CNTNAP2: variants seen among roughly 807,000 people sequenced by gnomAD.
CNTNAP2 encodes contactin associated protein 2.
A neutral mutation model predicts 155.2 loss-of-function variants in CNTNAP2; 98 were observed. The observed-to-expected ratio is 0.63, with a 90% CI of 0.54 to 0.75. The LOEUF is 0.75. Ranked by LOEUF, CNTNAP2 falls within the 30% of genes least tolerant of loss-of-function variation. The pLI is 0.00. For synonymous variants in CNTNAP2, 651 were observed against 631.2 expected (o/e 1.03, Z -0.47); for missense variants, 1,727 against 1,688.1 (o/e 1.02, Z -0.40).
intron 8 of CNTNAP2, among the ~76,000 whole-genome samples, chr7:147,254,428 A>G (rs1022499789): frequency 5.9e-5 from 9 of 152,164 alleles, no homozygotes; most frequent in Admixed American, 5.9e-4. Context: ...ATTCTCTATA[A>G]CCAATAATGT....
At chr7:147,212,547 AC>A (rs1248928940) in intron 8 of CNTNAP2, among the ~76,000 whole-genome samples, 2 of 152,124 alleles carry the variant, frequency 1.3e-5, no homozygotes, top group Admixed American at 1.3e-4. Context: ...GTACTCATTG[AC>A]AAAAAGATGG....
intron 10 of CNTNAP2, among the ~76,000 whole-genome samples, chr7:147,465,208 C>T (rs891568056): frequency 2.6e-5 from 4 of 152,116 alleles, no homozygotes; most frequent in African/African-American, 7.2e-5. Flanking sequence ...CTACGGAAAA[C>T]TTTATTTATT....
intron 1 of CNTNAP2, among the ~76,000 whole-genome samples, chr7:146,171,702 T>A (rs1798393257): frequency 6.6e-6 from 1 of 152,152 alleles, no homozygotes; most frequent in African/African-American, 2.4e-5. Flanking sequence ...AAAGAAAAGA[T>A]GTGTTTTCTT....
At chr7:147,611,050 A>T (rs538607747) in intron 12 of CNTNAP2, among the ~76,000 whole-genome samples, 1 of 152,020 alleles carries the variant, frequency 6.6e-6, no homozygotes, top group African/African-American at 2.4e-5. Flanking sequence ...CATTTAGCAT[A>T]TTTGAACCAC....
At chr7:147,838,428 G>T (rs1798667675) in intron 13 of CNTNAP2, among the ~76,000 whole-genome samples, 1 of 152,098 alleles carries the variant, frequency 6.6e-6, no homozygotes, top group African/African-American at 2.4e-5. Context: ...TTGTCAGGCT[G>T]CAAATTTTCC....
intron 1 of CNTNAP2, among the ~76,000 whole-genome samples, chr7:146,630,698 T>A (rs1799496747): frequency 6.6e-6 from 1 of 152,094 alleles, no homozygotes; most frequent in African/African-American, 2.4e-5. Flanking sequence ...CGTATCTCAC[T>A]GTGGTATTAA....
chr7:146,466,651 A>G (rs1232266379), intron 1 of CNTNAP2, among the ~76,000 whole-genome samples: 1 of 152,208 alleles, frequency 6.6e-6, no homozygotes, highest in African/African-American at 2.4e-5. Context: ...AGTAATCAGG[A>G]ATTTATAGCA....
At chr7:148,117,019 G>C (rs1031240867) in intron 15 of CNTNAP2, among the ~76,000 whole-genome samples, 1 of 152,176 alleles carries the variant, frequency 6.6e-6, no homozygotes, top group Non-Finnish European at 1.5e-5. Flanking sequence ...ACATTAAAAA[G>C]GAATTTCTCC....
At chr7:147,781,834 T>C (rs1797666042) in intron 13 of CNTNAP2, among the ~76,000 whole-genome samples, 1 of 152,066 alleles carries the variant, frequency 6.6e-6, no homozygotes, top group South Asian at 2.1e-4. Context: ...CCATCCTGGC[T>C]AACACGGTGA....
intron 4 of CNTNAP2, among the ~76,000 whole-genome samples, chr7:147,077,943 A>T (rs1274973723): frequency 6.6e-6 from 1 of 152,162 alleles, no homozygotes; most frequent in East Asian, 1.9e-4. Context: ...TATTCACTCC[A>T]CATTATTACT....
At chr7:146,661,962 A>T (rs1266132124) in intron 1 of CNTNAP2, among the ~76,000 whole-genome samples, 1 of 152,150 alleles carries the variant, frequency 6.6e-6, no homozygotes, top group Non-Finnish European at 1.5e-5. Context: ...TTTGTCAGCA[A>T]TTGGTATTGT....
chr7:147,262,569 C>T (rs149148442), intron 8 of CNTNAP2, among the ~76,000 whole-genome samples: 19,018 of 152,062 alleles, frequency 0.13, 1,269 homozygotes, highest in Non-Finnish European at 0.15. Flanking sequence ...CTTTGGGAGG[C>T]CGAGGTGGGC....
intron 15 of CNTNAP2, among the ~76,000 whole-genome samples, chr7:148,005,364 G>A (rs1352184502): frequency 6.6e-6 from 1 of 152,154 alleles, no homozygotes; most frequent in Non-Finnish European, 1.5e-5. Context: ...TGGTGATTAG[G>A]GTTTTAGCAT....
At chr7:147,267,050 A>G (rs1381644261) in intron 8 of CNTNAP2, among the ~76,000 whole-genome samples, 1 of 152,092 alleles carries the variant, frequency 6.6e-6, no homozygotes, top group Non-Finnish European at 1.5e-5. Flanking sequence ...TCAATAGGGG[A>G]TTTTCTATGG....
chr7:148,079,255 C>T (rs1803552593), intron 15 of CNTNAP2, among the ~76,000 whole-genome samples: 1 of 152,196 alleles, frequency 6.6e-6, no homozygotes, highest in Non-Finnish European at 1.5e-5. Context: ...TCACTCGATA[C>T]ATGTAAGATA....
intron 1 of CNTNAP2, among the ~76,000 whole-genome samples, chr7:146,639,771 G>C (rs1350087664): frequency 1.3e-5 from 2 of 152,182 alleles, no homozygotes. Context: ...ATCTATCAAA[G>C]ACATAGGTCA....
chr7:146,218,540 C>CAAACA lies in CNTNAP2; in HGVS notation c.97+101570_97+101571insCAAAA, dbSNP rs1562994097. On this transcript the variant is annotated intron_variant, in intron 1 of 23. Coordinates refer to ENST00000361727, the MANE Select transcript of CNTNAP2 (RefSeq NM_014141.6). ...AAAAACAAAAACAAAAACAAACAAA[C>CAAACA]AAAAAAAATTGCCATCAAGGTTAAA... is the stretch of plus-strand genomic sequence containing the variant. 2.5e-4 allele frequency among the ~76,000 whole-genome samples: 38 copies of CAAACA among 151,214 alleles called. 1 individual carries two copies. In the South Asian group the frequency reaches 3.3e-3, roughly 13 times the overall value.
intron 10 of CNTNAP2, among the ~76,000 whole-genome samples, chr7:147,440,801 G>A (rs561703834): frequency 7.2e-5 from 11 of 152,208 alleles, no homozygotes; most frequent in African/African-American, 2.6e-4. Flanking sequence ...CTTCTGGCCT[G>A]TAAGTTTTCC....
chr7:147,182,188 G>A (rs1031568029), intron 8 of CNTNAP2, among the ~76,000 whole-genome samples: 3 of 142,846 alleles, frequency 2.1e-5, no homozygotes, highest in African/African-American at 5.2e-5. Context: ...AAAAACAAAA[G>A]CAAAGTTCTT....
Sources: gnomAD v4.1 joint callset for allele counts (sites outside exome capture counted in the v4.1 genomes callset) on GRCh38, gnomAD v4.1.1 for gene constraint, MANE v1.5 for transcripts, NCBI Gene and HGNC (gene_info 2026-07-23, HGNC 2026-07-21) for gene names.